Variants in FGD6 observed in about 807,000 individuals in gnomAD.
FGD6 encodes FYVE, RhoGEF and PH domain-containing protein 6.
Under a neutral mutation model 149.4 loss-of-function variants are expected in FGD6, and 90 were observed. That is an observed-to-expected ratio of 0.60 (90% CI 0.51 to 0.72). FGD6 has a LOEUF of 0.72. Ranked by LOEUF, FGD6 falls within the 30% of genes least tolerant of loss-of-function variation. FGD6 has a pLI of 0.00. For missense variants in FGD6, 1,437 were observed against 1,684.8 expected (o/e 0.85, Z 2.57); for synonymous variants, 527 against 584.0 (o/e 0.90, Z 1.41).
At chr12:95,175,674 G>T (rs1355526126) in intron 2 of FGD6, among the ~76,000 whole-genome samples, 1 of 151,886 alleles carries the variant, frequency 6.6e-6, no homozygotes, top group Non-Finnish European at 1.5e-5. Context: ...GAACTCAAGA[G>T]GCAGAGGTTG....
At chr12:95,115,385 G>GTGCCTCCA (rs1040658860) in intron 8 of FGD6, among the ~76,000 whole-genome samples, 1 of 142,204 alleles carries the variant, frequency 7.0e-6, no homozygotes, top group African/African-American at 2.6e-5. Flanking sequence ...CTACTGGTGT[G>GTGCCTCCA]TGCCTCCATG....
chr12:95,093,676 C>A (rs1389052106), intron 15 of FGD6, among the ~76,000 whole-genome samples: 43 of 137,298 alleles, frequency 3.1e-4, no homozygotes, highest in African/African-American at 3.0e-4. Flanking sequence ...AACTCTGTCT[C>A]AAAAAAAAAA....
rs1292465957 is a variant in FGD6 at position 95,107,641 on chromosome 12, C to T, written c.3265-10G>A. The T allele has an allele frequency of 6.2e-7, 1 of 1,613,728 alleles. No homozygotes were observed. Among genetic ancestry groups the T allele is most frequent in the Non-Finnish European group, 8.5e-7 (1 of 1,179,916 alleles). ...CTTCTTTGAGAAAAACCTGATTCAC[C>T]CAAACAAACACCCATTTAGTCCTAC... On this transcript the variant is annotated splice_polypyrimidine_tract_variant and intron_variant, in intron 11 of 20. Coordinates refer to ENST00000343958, the MANE Select transcript of FGD6 (RefSeq NM_018351.4).
In FGD6 at chr12:95,192,691, AGAACAATGGG is replaced by A. The variant is rs1397196480; in HGVS notation, c.2441+16142_2441+16151del. Among the ~76,000 whole-genome samples the A allele has an allele frequency of 5.3e-5, 8 of 152,342 alleles. No individual in the cohort carries two copies. The East Asian group carries it at 1.5e-3, about 29-fold the overall frequency. ...AAGGAAGAACGAGATGAGTGGATGG[AGAACAATGGG>A]GAAGATTGGGAGGGGAGTGTATTTT... On this transcript the variant is annotated intron_variant, in intron 2 of 20. Coordinates refer to ENST00000343958, the MANE Select transcript of FGD6 (RefSeq NM_018351.4).
intron 2 of FGD6, among the ~76,000 whole-genome samples, chr12:95,188,399 A>G (rs963279354): frequency 6.7e-6 from 1 of 148,662 alleles, no homozygotes; most frequent in Admixed American, 6.7e-5. Flanking sequence ...GTGTGTGTGT[A>G]GAGGACATGT....
chr12:95,118,837 G>C (rs1879100762), intron 8 of FGD6, among the ~76,000 whole-genome samples: 1 of 152,180 alleles, frequency 6.6e-6, no homozygotes, highest in South Asian at 2.1e-4. Flanking sequence ...GATTTTGCAA[G>C]AAACAACCTA....
rs1489818586 is a variant in FGD6, at chr12:95,077,463, T to C, written c.*4057A>G. On this transcript the variant is annotated 3_prime_UTR_variant, in exon 21 of 21. Coordinates refer to ENST00000343958, the MANE Select transcript of FGD6 (RefSeq NM_018351.4). ...GGTCAATGAGGAAGGAAAAGGAAAC[T>C]GTGTGAACAAAGAAAGGTTGGGTAA... 2.0e-5 allele frequency: 3 copies of C among 152,002 alleles called. No individual in the cohort carries two copies. Among genetic ancestry groups the C allele is most frequent in the African/African-American group, 7.2e-5 (3 of 41,418 alleles). 9.4% of individuals were successfully genotyped at this position (152,002 alleles called of 1,614,324 possible). A position where few individuals can be genotyped will look rare whatever the true frequency, so the allele number is the denominator to read the frequency against.
At chr12:95,190,155 G>A (rs1881546671) in intron 2 of FGD6, among the ~76,000 whole-genome samples, 1 of 152,106 alleles carries the variant, frequency 6.6e-6, no homozygotes, top group African/African-American at 2.4e-5. Context: ...TGTACAGTAG[G>A]AATAAAAAGA....
intron 8 of FGD6, among the ~76,000 whole-genome samples, chr12:95,115,586 G>A (rs181783288): frequency 6.6e-6 from 1 of 152,130 alleles, no homozygotes; most frequent in Admixed American, 6.6e-5. Context: ...GAGGTAAAAG[G>A]CAATAAATGC....
At chr12:95,092,124 A>T (rs1409434326) in intron 16 of FGD6, among the ~76,000 whole-genome samples, 1 of 152,234 alleles carries the variant, frequency 6.6e-6, no homozygotes, top group Non-Finnish European at 1.5e-5. Flanking sequence ...TGTGAGGTAT[A>T]CTGATCACCA....
Position 95,108,503 on chromosome 12 carries a change from T to A in FGD6, c.3192A>T (p.Gly1064=), listed in dbSNP as rs546317158. Reference sequence around the variant, plus strand: ...CAGCCACTGACAACAAGACACTTACTCCTTGCTTCATGGTGTCATTGGCGT... The same window carrying A: ...CAGCCACTGACAACAAGACACTTACACCTTGCTTCATGGTGTCATTGGCGT... The part of the protein sequence containing the change: ...ANHANDTMKQ[G]DNFQKLMQIQ... The change falls in exon 10 of 21, where the codon GGA becomes GGT. Residue 1064 remains glycine, a splice_region_variant and synonymous_variant. Coordinates refer to ENST00000343958, the MANE Select transcript of FGD6 (RefSeq NM_018351.4). 1 of 1,614,164 alleles carries A rather than the reference T, an allele frequency of 6.2e-7. No homozygotes were observed. Among genetic ancestry groups the A allele is most frequent in the African/African-American group, 1.3e-5 (1 of 75,060 alleles).
chr12:95,122,400 C>A (rs775206004), intron 8 of FGD6, among the ~76,000 whole-genome samples: 3 of 152,084 alleles, frequency 2.0e-5, no homozygotes, highest in Non-Finnish European at 2.9e-5. Flanking sequence ...CATCCCAGCA[C>A]TTTGGGAGGC....
chr12:95,191,576 G>A (rs1418403630), intron 2 of FGD6, among the ~76,000 whole-genome samples: 1 of 152,120 alleles, frequency 6.6e-6, no homozygotes, highest in Non-Finnish European at 1.5e-5. Context: ...ATACAAAGGT[G>A]TTGTAATCTC....
chr12:95,187,322 C>T (rs1477513201), intron 2 of FGD6, among the ~76,000 whole-genome samples: 1 of 145,596 alleles, frequency 6.9e-6, no homozygotes, highest in Non-Finnish European at 1.5e-5. Context: ...CAGTGCAAGA[C>T]TCCATTTCAA....
intron 3 of FGD6, among the ~76,000 whole-genome samples, chr12:95,156,065 GT>G (rs1351446826): frequency 6.6e-6 from 1 of 152,142 alleles, no homozygotes; most frequent in Non-Finnish European, 1.5e-5. Flanking sequence ...GGGGATGTAT[GT>G]TGCCTCAGGA....
chr12:95,109,069 A>T (rs1878726767), intron 9 of FGD6, among the ~76,000 whole-genome samples: 1 of 152,208 alleles, frequency 6.6e-6, no homozygotes, highest in African/African-American at 2.4e-5. Context: ...CATGAATTAG[A>T]AATGGGGGAA....
At chr12:95,174,053 G>A (rs1261170612) in intron 2 of FGD6, among the ~76,000 whole-genome samples, 1 of 152,134 alleles carries the variant, frequency 6.6e-6, no homozygotes, top group Non-Finnish European at 1.5e-5. Flanking sequence ...ATTACTCAAT[G>A]GCTGGGGCCT....
At chr12:95,205,405 C>T (rs1281759304) in intron 2 of FGD6, among the ~76,000 whole-genome samples, 1 of 152,092 alleles carries the variant, frequency 6.6e-6, no homozygotes, top group African/African-American at 2.4e-5. Flanking sequence ...TGTGTAGACT[C>T]TGTAAAATAC....
intron 3 of FGD6, among the ~76,000 whole-genome samples, chr12:95,158,876 A>ATAC (rs1880558600): frequency 6.6e-6 from 1 of 151,738 alleles, no homozygotes; most frequent in South Asian, 2.1e-4. Context: ...AATAATAATA[A>ATAC]TAATAATAAC....
Sources: allele counts gnomAD v4.1 joint callset (sites outside exome capture counted in the v4.1 genomes callset), GRCh38; gene constraint gnomAD v4.1.1; transcripts MANE v1.5; gene names NCBI Gene and HGNC (gene_info 2026-07-23, HGNC 2026-07-21).